Variants in CHST11 observed in about 807,000 individuals in gnomAD.
CHST11 encodes the protein carbohydrate sulfotransferase 11.
Under a neutral mutation model 30.4 loss-of-function variants are expected in CHST11, and 9 were observed. The ratio of observed to expected loss-of-function variants is 0.30; its 90% CI spans 0.18 to 0.52. CHST11 has a LOEUF of 0.52. Ranked by LOEUF, CHST11 falls within the 20% of genes least tolerant of loss-of-function variation. The pLI is 0.97. For synonymous variants in CHST11, 152 were observed against 187.8 expected (o/e 0.81, Z 1.56); for missense variants, 348 against 460.6 (o/e 0.76, Z 2.24).
intron 1 of CHST11, among the ~76,000 whole-genome samples, chr12:104,601,700 T>TCTGGGTG (rs2038958503): frequency 6.6e-6 from 1 of 152,212 alleles, no homozygotes; most frequent in African/African-American, 2.4e-5. Flanking sequence ...TCTAGATCCT[T>TCTGGGTG]CTGGGTGTGG....
At chr12:104,492,127 C>T (rs546258401) in intron 1 of CHST11, among the ~76,000 whole-genome samples, 5 of 152,132 alleles carry the variant, frequency 3.3e-5, no homozygotes, top group South Asian at 4.1e-4. Context: ...GATGGAGTCT[C>T]GCTCTGTCAC....
intron 1 of CHST11, among the ~76,000 whole-genome samples, chr12:104,583,956 G>T (rs143451581): frequency 6.6e-6 from 1 of 152,102 alleles, no homozygotes; most frequent in Non-Finnish European, 1.5e-5. Flanking sequence ...CAAGTGATCC[G>T]CCCTCCTCGG....
chr12:104,610,124 C>G (rs907308086), intron 2 of CHST11, among the ~76,000 whole-genome samples: 4 of 150,962 alleles, frequency 2.6e-5, no homozygotes, highest in African/African-American at 9.8e-5. Flanking sequence ...TATATGTTCA[C>G]TCAACCTTTA....
At chr12:104,678,251 A>G (rs1051222236) in intron 2 of CHST11, among the ~76,000 whole-genome samples, 4 of 152,218 alleles carry the variant, frequency 2.6e-5, no homozygotes, top group Non-Finnish European at 5.9e-5. Context: ...AGGTTTGCCT[A>G]GAAAGGTATA....
chr12:104,682,219 A>G (rs184974789), intron 2 of CHST11, among the ~76,000 whole-genome samples: 1 of 152,350 alleles, frequency 6.6e-6, no homozygotes, highest in African/African-American at 2.4e-5. Flanking sequence ...TACTGGAAGT[A>G]TATATGTTGT....
Position 104,705,287 on chromosome 12 carries a change from C to T in CHST11, c.205-51662C>T, listed in dbSNP as rs2040022677. Among the ~76,000 whole-genome samples the T allele has an allele frequency of 2.6e-5, 4 of 152,102 alleles. No homozygotes were observed. The South Asian group carries it at 8.3e-4, about 32-fold the overall frequency. The stretch of plus-strand genomic sequence containing the variant: ...ACCCAGGCTTCGGCTCCAAATTCAT[C>T]GCTGATTCCCTGTGTTGCCTTCACC... On this transcript the variant is annotated intron_variant, in intron 2 of 2. Transcript: ENST00000303694.
rs142814885 is a variant in CHST11 at position 104,492,159 on chromosome 12, C to T, written c.118+34630C>T. 0.012 allele frequency among the ~76,000 whole-genome samples: 1,825 copies of T among 152,180 alleles called. 61 individuals carry two copies. The East Asian group carries it at 0.14, about 12-fold the overall frequency. On this transcript the variant is annotated intron_variant, in intron 1 of 2. Transcript: ENST00000303694. ...TCACCCAGGCTGGAGTGCAGTGGCG[C>T]GATCTCTGCTCACTGCAAGCTCCAC...
chr12:104,615,435 A>C (rs1424766044), intron 2 of CHST11, among the ~76,000 whole-genome samples: 1 of 152,170 alleles, frequency 6.6e-6, no homozygotes, highest in Non-Finnish European at 1.5e-5. Context: ...TTCCTGCCTC[A>C]TGTCCCATCC....
chr12:104,547,428 C>T (rs934114752), intron 1 of CHST11, among the ~76,000 whole-genome samples: 1 of 152,168 alleles, frequency 6.6e-6, no homozygotes, highest in South Asian at 2.1e-4. Flanking sequence ...GCGAGTACTT[C>T]CCCGGCCAGT....
chr12:104,582,209 T>G (rs996670621), intron 1 of CHST11, among the ~76,000 whole-genome samples: 2 of 152,184 alleles, frequency 1.3e-5, no homozygotes, highest in Non-Finnish European at 2.9e-5. Context: ...CTCTCATTAT[T>G]TCCATCTTAT....
At chr12:104,592,130 T>A (rs2038865360) in intron 1 of CHST11, among the ~76,000 whole-genome samples, 1 of 131,174 alleles carries the variant, frequency 7.6e-6, no homozygotes. Flanking sequence ...CCCTCCCATC[T>A]CCTCTCCTCC....
chr12:104,758,987 G>A lies in CHST11; in HGVS notation c.*1184G>A, dbSNP rs2040502417. 6.6e-6 allele frequency: 1 copy of A among 152,216 alleles called. No homozygotes were observed. Among genetic ancestry groups the A allele is most frequent in the Non-Finnish European group, 1.5e-5 (1 of 68,084 alleles). The allele number at this position is 152,216 out of a possible 1,614,324, so 9.4% of individuals were successfully genotyped here. A position where few individuals can be genotyped will look rare whatever the true frequency, so the allele number is the denominator to read the frequency against. On this transcript the variant is annotated 3_prime_UTR_variant, in exon 3 of 3. Coordinates refer to ENST00000303694, the MANE Select transcript of CHST11 (RefSeq NM_018413.6). ...GCAATGTCTGCCTTGGGTGAGGAAA[G>A]GGGAACACTCCTCAAGTGCCTCCTA...
At chr12:104,501,656 C>G (rs1035059677) in intron 1 of CHST11, among the ~76,000 whole-genome samples, 1 of 152,184 alleles carries the variant, frequency 6.6e-6, no homozygotes, top group African/African-American at 2.4e-5. Flanking sequence ...AAGTGCTCAG[C>G]CGAGAGCCTG....
chr12:104,670,550 C>T (rs1046796510), intron 2 of CHST11, among the ~76,000 whole-genome samples: 8 of 151,818 alleles, frequency 5.3e-5, no homozygotes, highest in African/African-American at 1.9e-4. Flanking sequence ...TACACACACA[C>T]TCCCACACAT....
chr12:104,756,532 G>GGGGTGTGTGTGTGTGT lies in CHST11; in HGVS notation c.205-416_205-415insGGTGTGTGTGTGTGTG, dbSNP rs1555250374. ...CATCATGAGGTCTGGATCCATGTGG[G>GGGGTGTGTGTGTGTGT]GTGTGTGTGTGTGTGTGTGTGTGTG... On this transcript the variant is annotated intron_variant, in intron 2 of 2. Transcript: ENST00000303694. Among the ~76,000 whole-genome samples, 541 of 143,390 alleles carry GGGGTGTGTGTGTGTGT rather than the reference G, an allele frequency of 3.8e-3. 3 individuals carry two copies. Among genetic ancestry groups the GGGGTGTGTGTGTGTGT allele is most frequent in the East Asian group, 0.012 (58 of 4,836 alleles). 94.1% of individuals were successfully genotyped at this position (143,390 alleles called of 152,430 possible).
intron 2 of CHST11, among the ~76,000 whole-genome samples, chr12:104,697,463 C>T (rs948292459): frequency 6.6e-6 from 1 of 152,172 alleles, no homozygotes; most frequent in African/African-American, 2.4e-5. Context: ...CGTCGGAGCT[C>T]CTGGTTCTCC....
intron 2 of CHST11, among the ~76,000 whole-genome samples, chr12:104,663,951 A>G (rs2039619943): frequency 6.6e-6 from 1 of 152,238 alleles, no homozygotes. Flanking sequence ...ACACAGATAC[A>G]TAATTTCAGC....
chr12:104,734,417 C>T (rs544456118), intron 2 of CHST11, among the ~76,000 whole-genome samples: 5 of 152,108 alleles, frequency 3.3e-5, no homozygotes, highest in Admixed American at 2.0e-4. Context: ...AATCTCACCC[C>T]GGGCCCGTTG....
chr12:104,718,346 C>T (rs1426475418), intron 2 of CHST11, among the ~76,000 whole-genome samples: 1 of 152,168 alleles, frequency 6.6e-6, no homozygotes, highest in Non-Finnish European at 1.5e-5. Context: ...CCTCCTACTT[C>T]TCTACCATTC....
Sources: allele counts gnomAD v4.1 joint callset (sites outside exome capture counted in the v4.1 genomes callset), GRCh38; gene constraint gnomAD v4.1.1; transcripts MANE v1.5; gene names NCBI Gene and HGNC (gene_info 2026-07-23, HGNC 2026-07-21).